Variants in ARID4B observed in about 807,000 individuals in gnomAD.
ARID4B encodes AT-rich interactive domain-containing protein 4B.
Under a neutral mutation model 147.5 loss-of-function variants are expected in ARID4B, and 26 were observed. The ratio of observed to expected loss-of-function variants is 0.18; its 90% CI spans 0.13 to 0.24. The LOEUF (loss-of-function observed/expected upper bound fraction) is 0.24. Ranked by LOEUF, ARID4B falls within the 10% of genes least tolerant of loss-of-function variation. The pLI is 1.00. For missense variants in ARID4B, 1,179 were observed against 1,511.5 expected (o/e 0.78, Z 3.65); for synonymous variants, 512 against 507.9 (o/e 1.01, Z -0.11).
chr1:235,315,676 T>C (rs1172362663), intron 2 of ARID4B, among the ~76,000 whole-genome samples: 1 of 152,116 alleles, frequency 6.6e-6, no homozygotes, highest in East Asian at 1.9e-4. Context: ...TTCTACCACC[T>C]TACTATCAAC....
At chr1:235,195,961 T>C (rs570545013) in intron 18 of ARID4B, 70 bp downstream of exon 18, 50 of 908,126 alleles carry the variant, frequency 5.5e-5, no homozygotes, top group Non-Finnish European at 8.4e-5. Context: ...CTAACACATA[T>C]TTAATTGCAT....
intron 4 of ARID4B, among the ~76,000 whole-genome samples, chr1:235,256,601 T>C (rs1188640505): frequency 2.0e-5 from 3 of 152,230 alleles, no homozygotes. Context: ...CTCCAACTGT[T>C]AGTGTAAAGG....
At chr1:235,318,527 C>T (rs908120392) in intron 2 of ARID4B, among the ~76,000 whole-genome samples, 1 of 152,044 alleles carries the variant, frequency 6.6e-6, no homozygotes, top group Non-Finnish European at 1.5e-5. Context: ...CACAAAAAGG[C>T]CACATATGTA....
At position 235,308,744 on chromosome 1, in the gene ARID4B, C is replaced by T. The variant is rs200880607; in HGVS notation, c.6+18170G>A. Among the ~76,000 whole-genome samples, 339 of 152,286 alleles carry T rather than the reference C, an allele frequency of 2.2e-3. 14 individuals carry two copies. In the East Asian group the frequency reaches 0.048, roughly 21 times the overall value. The stretch of plus-strand genomic sequence containing the variant: ...CGCCAGCCTCAGCCTCCCGAGGTGC[C>T]GGGATTGCAGACGGAGTCTGGTTCA... On this transcript the variant is annotated intron_variant, in intron 2 of 23. Transcript: ENST00000264183.
chr1:235,216,210 T>G (rs1486122584), intron 16 of ARID4B, among the ~76,000 whole-genome samples: 1 of 151,998 alleles, frequency 6.6e-6, no homozygotes, highest in Non-Finnish European at 1.5e-5. Flanking sequence ...CAAGATTTAT[T>G]CCTATTTTAA....
chr1:235,317,380 C>G (rs1488544131), intron 2 of ARID4B, among the ~76,000 whole-genome samples: 1 of 152,154 alleles, frequency 6.6e-6, no homozygotes, highest in African/African-American at 2.4e-5. Flanking sequence ...CTTGGACTTT[C>G]TGAGTAATAT....
At chr1:235,234,679 T>C (rs985511036) in intron 8 of ARID4B, among the ~76,000 whole-genome samples, 187 bp from the exon 9 acceptor site, 7 of 152,132 alleles carry the variant, frequency 4.6e-5, no homozygotes, top group Non-Finnish European at 7.3e-5. Context: ...TCCTACATCC[T>C]TCCAGCTGCT....
At chr1:235,303,008 C>T (rs2103253037) in intron 2 of ARID4B, among the ~76,000 whole-genome samples, 1 of 152,142 alleles carries the variant, frequency 6.6e-6, no homozygotes, top group Non-Finnish European at 1.5e-5. Context: ...AATGCAAGCT[C>T]CGCCTCCCGG....
intron 12 of ARID4B, among the ~76,000 whole-genome samples, chr1:235,224,430 A>C (rs933664007): frequency 2.0e-5 from 3 of 152,148 alleles, no homozygotes; most frequent in African/African-American, 7.2e-5. Flanking sequence ...ACTGTTCTTT[A>C]GGGACCCATG....
chr1:235,223,634 T>G (rs1667642895), intron 12 of ARID4B, among the ~76,000 whole-genome samples: 1 of 150,880 alleles, frequency 6.6e-6, no homozygotes, highest in Non-Finnish European at 1.5e-5. Context: ...ATTTTCTTTG[T>G]ATTTTACCAA....
chr1:235,216,084 TGG>T (rs1325092475), intron 16 of ARID4B, among the ~76,000 whole-genome samples: 1 of 152,028 alleles, frequency 6.6e-6, no homozygotes, highest in Non-Finnish European at 1.5e-5. Flanking sequence ...TTTTGTATAG[TGG>T]GGCAGGAGTG....
chr1:235,319,381 G>C (rs952512945), intron 2 of ARID4B, among the ~76,000 whole-genome samples: 2 of 152,070 alleles, frequency 1.3e-5, no homozygotes, highest in Non-Finnish European at 2.9e-5. Flanking sequence ...GCATGGTGCC[G>C]TGCACCTCTG....
intron 2 of ARID4B, among the ~76,000 whole-genome samples, chr1:235,320,352 T>C (rs896870196): frequency 3.9e-5 from 6 of 152,042 alleles, no homozygotes; most frequent in African/African-American, 1.4e-4. Context: ...CATGTGCAAG[T>C]TGCAGTAAGT....
At chr1:235,302,288 G>A (rs1397935848) in intron 2 of ARID4B, among the ~76,000 whole-genome samples, 1 of 132,290 alleles carries the variant, frequency 7.6e-6, no homozygotes, top group African/African-American at 2.8e-5. Context: ...AGGAAGGAAG[G>A]AAGGAAGGAA....
At chr1:235,226,879 GACTGGTCTCAA>G (rs1305284963) in intron 11 of ARID4B, among the ~76,000 whole-genome samples, 2 of 152,164 alleles carry the variant, frequency 1.3e-5, no homozygotes, top group African/African-American at 4.8e-5. Flanking sequence ...ATGTTGGCCA[GACTGGTCTCAA>G]ACTCCTGACC....
At chr1:235,260,498 C>A in intron 3 of ARID4B, 144 bp downstream of exon 3, 1 of 543,006 alleles carries the variant, frequency 1.8e-6, no homozygotes, top group Non-Finnish European at 3.1e-6. Context: ...TTTAAAATAA[C>A]AAAAAATGCT....
chr1:235,238,153 A>AAAAAAAAAG (rs61179792), intron 8 of ARID4B, among the ~76,000 whole-genome samples: 2 of 141,764 alleles, frequency 1.4e-5, no homozygotes, highest in African/African-American at 5.7e-5. Context: ...CAAAAAAAAA[A>AAAAAAAAAG]AAAAGAAAAG....
At chr1:235,272,617 A>C (rs541440163) in intron 2 of ARID4B, among the ~76,000 whole-genome samples, 44 of 152,204 alleles carry the variant, frequency 2.9e-4, no homozygotes, top group African/African-American at 1.0e-3. Context: ...GGGAAAAATT[A>C]TTTAACTTAT....
intron 19 of ARID4B, among the ~76,000 whole-genome samples, chr1:235,189,784 T>C (rs1305667801): frequency 6.6e-6 from 1 of 151,900 alleles, no homozygotes; most frequent in Non-Finnish European, 1.5e-5. Flanking sequence ...CTCATGCCTG[T>C]AATCCTAGCA....
Sources: gnomAD v4.1 joint callset for allele counts (sites outside exome capture counted in the v4.1 genomes callset) on GRCh38, gnomAD v4.1.1 for gene constraint, MANE v1.5 for transcripts, NCBI Gene and HGNC (gene_info 2026-07-23, HGNC 2026-07-21) for gene names.